DLG2: variants seen among roughly 807,000 people sequenced by gnomAD.
The protein encoded by DLG2 is discs large MAGUK scaffold protein 2.
Under a neutral mutation model 132.5 loss-of-function variants are expected in DLG2, and 45 were observed. The observed-to-expected ratio is 0.34, with a 90% confidence interval of 0.27 to 0.44. The LOEUF (loss-of-function observed/expected upper bound fraction) is 0.44, where lower values mean the gene tolerates loss of function less well. Ranked by LOEUF, DLG2 falls within the 20% of genes least tolerant of loss-of-function variation. The probability of loss-of-function intolerance (pLI) is 1.00; values close to 1 mark genes in which losing one functional copy is unlikely to be tolerated. For missense variants in DLG2, 1,045 were observed against 1,196.9 expected (o/e 0.87, Z 1.87); for synonymous variants, 424 against 419.6 (o/e 1.01, Z -0.13).
At chr11:85,029,478 T>C (rs2154144090) in intron 6 of DLG2, among the ~76,000 whole-genome samples, 1 of 152,308 alleles carries the variant, frequency 6.6e-6, no homozygotes, top group South Asian at 2.1e-4. Context: ...TTAAAATCAT[T>C]AGGGAAATTT....
intron 19 of DLG2, among the ~76,000 whole-genome samples, chr11:83,593,698 G>T (rs1025306248): frequency 6.7e-6 from 1 of 148,462 alleles, no homozygotes; most frequent in African/African-American, 2.5e-5. Context: ...TATATAGAGA[G>T]ATCATTTCTC....
At chr11:85,292,438 G>A (rs891959407) in intron 3 of DLG2, among the ~76,000 whole-genome samples, 1 of 151,482 alleles carries the variant, frequency 6.6e-6, no homozygotes, top group Admixed American at 6.6e-5. Context: ...CCAAGTAAGG[G>A]AATAAAAGAG....
chr11:84,386,813 T>C (rs552623018), intron 7 of DLG2, among the ~76,000 whole-genome samples: 6 of 152,260 alleles, frequency 3.9e-5, no homozygotes, highest in Admixed American at 3.9e-4. Flanking sequence ...AAATTTGTTT[T>C]ATATTTGTAT....
At chr11:85,593,612 C>A (rs957216501) in intron 3 of DLG2, among the ~76,000 whole-genome samples, 27 of 152,112 alleles carry the variant, frequency 1.8e-4, no homozygotes, top group African/African-American at 6.5e-4. Context: ...CCAAGTTGCT[C>A]CAAATTCACA....
At chr11:84,858,014 T>A (rs911993609) in intron 6 of DLG2, among the ~76,000 whole-genome samples, 2 of 151,948 alleles carry the variant, frequency 1.3e-5, no homozygotes, top group African/African-American at 2.4e-5. Context: ...TTTTTTAGCC[T>A]CTTGAATAGC....
At chr11:84,863,399 A>G (rs1446018558) in intron 6 of DLG2, among the ~76,000 whole-genome samples, 1 of 152,156 alleles carries the variant, frequency 6.6e-6, no homozygotes, top group Non-Finnish European at 1.5e-5. Flanking sequence ...CAGTTAAGTG[A>G]GTGTCTCAGA....
intron 9 of DLG2, among the ~76,000 whole-genome samples, chr11:84,144,017 T>C (rs1012646804): frequency 1.3e-5 from 2 of 152,060 alleles, no homozygotes; most frequent in Admixed American, 1.3e-4. Context: ...ATGATTATGT[T>C]GACTAAGAAA....
chr11:83,507,610 T>TAAATAAATAAATAA, intron 21 of DLG2, among the ~76,000 whole-genome samples: 1 of 145,844 alleles, frequency 6.9e-6, no homozygotes, highest in African/African-American at 2.5e-5. Flanking sequence ...GATATATAGA[T>TAAATAAATAAATAA]ATATATAAAT....
intron 19 of DLG2, among the ~76,000 whole-genome samples, chr11:83,585,432 C>T (rs1485008553): frequency 6.6e-6 from 1 of 152,132 alleles, no homozygotes; most frequent in African/African-American, 2.4e-5. Context: ...CTAGATACAG[C>T]CATACTTAAA....
intron 3 of DLG2, among the ~76,000 whole-genome samples, chr11:85,527,417 A>G (rs1181772556): frequency 6.6e-6 from 1 of 150,760 alleles, no homozygotes; most frequent in Non-Finnish European, 1.5e-5. Context: ...TCATTGTTCA[A>G]CTCCCACTTA....
chr11:84,219,423 T>C (rs1378796241), intron 8 of DLG2, among the ~76,000 whole-genome samples: 2 of 152,216 alleles, frequency 1.3e-5, no homozygotes, highest in Non-Finnish European at 1.5e-5. Flanking sequence ...AAAATCATAA[T>C]TTTAGAAAAA....
At chr11:85,282,320 T>C (rs754632998) in intron 4 of DLG2, among the ~76,000 whole-genome samples, 1 of 151,936 alleles carries the variant, frequency 6.6e-6, no homozygotes, top group African/African-American at 2.4e-5. Flanking sequence ...TGATTAATAA[T>C]ATATTGTATA....
chr11:84,928,980 G>GTATATATATA (rs1385905913), intron 6 of DLG2, among the ~76,000 whole-genome samples: 41 of 40,238 alleles, frequency 1.0e-3, no homozygotes, highest in African/African-American at 3.0e-3. Context: ...GTGTGTGTGT[G>GTATATATATA]TGTATATATA....
At chr11:83,957,213 T>G (rs952303010) in intron 14 of DLG2, among the ~76,000 whole-genome samples, 7 of 152,208 alleles carry the variant, frequency 4.6e-5, no homozygotes. Context: ...TGACAAACAG[T>G]GGGCTGGCTT....
At chr11:83,849,876 G>A (rs2059346609) in intron 16 of DLG2, among the ~76,000 whole-genome samples, 1 of 151,812 alleles carries the variant, frequency 6.6e-6, no homozygotes, top group Non-Finnish European at 1.5e-5. Flanking sequence ...CTTTCCCCCG[G>A]CCTTCGTGTC....
chr11:83,512,714 G>C (rs2095098745), intron 21 of DLG2, among the ~76,000 whole-genome samples: 1 of 151,592 alleles, frequency 6.6e-6, no homozygotes, highest in African/African-American at 2.4e-5. Context: ...CCTGGTGTGT[G>C]ATGTTCCCTT....
chr11:84,350,404 T>C (rs1429520517), intron 7 of DLG2, among the ~76,000 whole-genome samples: 2 of 152,174 alleles, frequency 1.3e-5, no homozygotes, highest in African/African-American at 2.4e-5. Flanking sequence ...TTAAAACCAC[T>C]GTTCTACAGC....
intron 6 of DLG2, among the ~76,000 whole-genome samples, chr11:85,019,095 G>A (rs2059815000): frequency 6.6e-6 from 1 of 152,178 alleles, no homozygotes; most frequent in South Asian, 2.1e-4. Context: ...TGCCTTTGCA[G>A]TTAGGGAAGA....
rs192519651 is a variant in DLG2, at chr11:84,654,373, T to C, written c.358-119642A>G. 1.3e-3 allele frequency among the ~76,000 whole-genome samples: 197 copies of C among 152,320 alleles called. 1 individual carries two copies. The highest frequency in any genetic ancestry group is 4.5e-3 in the African/African-American group (189 of 41,578). ...TCATCTAAAGCATTCATAAATGTTT[T>C]CTTAAAGAATTGCAGTCTACCATTG... On this transcript the variant is annotated intron_variant, in intron 6 of 27. Coordinates refer to ENST00000376104, the MANE Select transcript of DLG2 (RefSeq NM_001142699.3).
Sources: allele counts gnomAD v4.1 joint callset (sites outside exome capture counted in the v4.1 genomes callset), GRCh38; gene constraint gnomAD v4.1.1; transcripts MANE v1.5; gene names NCBI Gene and HGNC (gene_info 2026-07-23, HGNC 2026-07-21).